The following PPP2R5E variants were observed in gnomAD, a reference collection of about 807,000 sequenced individuals.
The protein encoded by PPP2R5E is protein phosphatase 2 regulatory subunit B'epsilon.
In PPP2R5E, 4 loss-of-function variants were observed where a neutral mutation model predicts 65.3. The ratio of observed to expected loss-of-function variants is 0.06; its 90% CI spans 0.03 to 0.14. The LOEUF is 0.14. PPP2R5E is among the 10% of genes least tolerant of loss of function. The pLI, the probability that PPP2R5E is intolerant of heterozygous loss-of-function variation, is 1.00. For synonymous variants in PPP2R5E, 183 were observed against 187.4 expected (o/e 0.98, Z 0.19); for missense variants, 274 against 556.1 (o/e 0.49, Z 5.10).
chr14:63,381,387 T>C, intron 13 of PPP2R5E, among the ~76,000 whole-genome samples: 1 of 152,206 alleles, frequency 6.6e-6, no homozygotes. Context: ...TCTGCCCAAT[T>C]ATACTTCAAG....
chr14:63,537,782 T>G lies in PPP2R5E; in HGVS notation c.157+1747A>C, dbSNP rs1255787. 0.014 allele frequency among the ~76,000 whole-genome samples: 2,141 copies of G among 152,266 alleles called. 82 individuals carry two copies. In the East Asian group the frequency reaches 0.15, roughly 10 times the overall value. ...TTCCTCCAAGCCACACTAAAGCTCA[T>G]TGTGTTGTTCATATCCCCTTTCTCC... On this transcript the variant is annotated intron_variant, in intron 2 of 13. Coordinates refer to ENST00000337537, the MANE Select transcript of PPP2R5E (RefSeq NM_006246.5).
chr14:63,436,532 A>T lies in PPP2R5E; in HGVS notation c.355-14438T>A, dbSNP rs59393950. ...GAGCTAGTTGGTGAGTAATTAAAAC[A>T]CACCTGACCTACATATAACCATAAC... On this transcript the variant is annotated intron_variant, in intron 3 of 13. Transcript: ENST00000337537. Among the ~76,000 whole-genome samples the T allele has an allele frequency of 3.3e-3, 506 of 152,376 alleles. 1 individual carries two copies. Among genetic ancestry groups the T allele is most frequent in the African/African-American group, 0.011 (475 of 41,584 alleles).
chr14:63,410,434 T>C (rs147134316), intron 5 of PPP2R5E, among the ~76,000 whole-genome samples: 82 of 152,188 alleles, frequency 5.4e-4, no homozygotes, highest in African/African-American at 1.7e-3. Flanking sequence ...TAGAAGGACC[T>C]GTCAATTCAA....
In PPP2R5E at chr14:63,371,915, T is replaced by C. The variant is rs1204001904; in HGVS notation, c.*4094A>G. On this transcript the variant is annotated 3_prime_UTR_variant, in exon 14 of 14. Transcript: ENST00000337537. ...AGCAACAGACATGTCATTCTCATTATACTTCAATCAAAAATCAGACAACAA... is the reference window on the plus strand; with the variant it reads ...AGCAACAGACATGTCATTCTCATTACACTTCAATCAAAAATCAGACAACAA... 5.9e-5 allele frequency: 9 copies of C among 152,194 alleles called. No individual in the cohort carries two copies. Among genetic ancestry groups the C allele is most frequent in the African/African-American group, 2.2e-4 (9 of 41,452 alleles). 9.4% of individuals were successfully genotyped at this position (152,194 alleles called of 1,614,324 possible).
At chr14:63,515,269 C>G (rs1892623823) in intron 2 of PPP2R5E, among the ~76,000 whole-genome samples, 1 of 152,184 alleles carries the variant, frequency 6.6e-6, no homozygotes, top group African/African-American at 2.4e-5. Context: ...AAATACCCTC[C>G]TCTGATTGAA....
Position 63,373,853 on chromosome 14 carries a change from T to C in PPP2R5E, c.*2156A>G, listed in dbSNP as rs1471565262. 1 of 152,172 alleles carries C rather than the reference T, an allele frequency of 6.6e-6. No homozygotes were observed. Among genetic ancestry groups the C allele is most frequent in the East Asian group, 1.9e-4 (1 of 5,194 alleles). The allele number at this position is 152,172 out of a possible 1,614,324, so 9.4% of individuals were successfully genotyped here. On this transcript the variant is annotated 3_prime_UTR_variant, in exon 14 of 14. Coordinates refer to ENST00000337537, the MANE Select transcript of PPP2R5E (RefSeq NM_006246.5). ...ATATAAACTAAATATAATGCAGAGT[T>C]GAAACTAAAGGGCTAAAATGACAAG... is the stretch of plus-strand genomic sequence containing the variant.
At chr14:63,418,112 C>T (rs1005775558) in intron 4 of PPP2R5E, among the ~76,000 whole-genome samples, 10 of 152,176 alleles carry the variant, frequency 6.6e-5, no homozygotes, top group African/African-American at 2.4e-4. Flanking sequence ...TGCCAAATTT[C>T]ACATGTTATT....
intron 2 of PPP2R5E, among the ~76,000 whole-genome samples, chr14:63,475,186 C>T (rs1468285391): frequency 6.6e-6 from 1 of 152,116 alleles, no homozygotes; most frequent in Non-Finnish European, 1.5e-5. Flanking sequence ...TTCCTGCCTT[C>T]GTCAACTCTT....
chr14:63,393,046 G>A (rs1169876410), intron 8 of PPP2R5E, among the ~76,000 whole-genome samples: 1 of 152,202 alleles, frequency 6.6e-6, no homozygotes, highest in African/African-American at 2.4e-5. Flanking sequence ...GTTTACTTGT[G>A]AGAGTGCTTG....
Position 63,415,127 on chromosome 14 carries a change from A to G in PPP2R5E, c.549+13T>C, listed in dbSNP as rs372327202. 12 of 1,524,632 alleles carry G rather than the reference A, an allele frequency of 7.9e-6. No individual in the cohort carries two copies. In the African/African-American group the frequency reaches 1.5e-4, roughly 19 times the overall value. 94.4% of individuals were successfully genotyped at this position (1,524,632 alleles called of 1,614,324 possible). A position where few individuals can be genotyped will look rare whatever the true frequency, so the allele number is the denominator to read the frequency against. ...TGGATGACAAATACACACAACCACA[A>G]TAATTTGCTTACCTGTAATACAAAT... On this transcript the variant is annotated intron_variant, in intron 5 of 13. Coordinates refer to ENST00000337537, the MANE Select transcript of PPP2R5E (RefSeq NM_006246.5).
At chr14:63,486,559 TTACCAA>T (rs1253283295) in intron 2 of PPP2R5E, among the ~76,000 whole-genome samples, 1 of 151,906 alleles carries the variant, frequency 6.6e-6, no homozygotes, top group Non-Finnish European at 1.5e-5. Context: ...TCACAAGTGT[TTACCAA>T]TACCATCATT....
At chr14:63,391,742 C>T (rs1885036408) in intron 10 of PPP2R5E, 75 bp downstream of exon 10, 1 of 1,494,216 alleles carries the variant, frequency 6.7e-7, no homozygotes, top group Non-Finnish European at 9.3e-7. Context: ...CGGTTTTATA[C>T]ATGCTTAGCC....
At chr14:63,481,495 C>CAAAAA (rs59764365) in intron 2 of PPP2R5E, among the ~76,000 whole-genome samples, 4 of 93,090 alleles carry the variant, frequency 4.3e-5, no homozygotes, top group Admixed American at 1.2e-4. Flanking sequence ...GACTCCATCT[C>CAAAAA]AAAAAAAAAA....
intron 2 of PPP2R5E, among the ~76,000 whole-genome samples, chr14:63,533,101 C>T (rs949951143): frequency 6.6e-6 from 1 of 152,120 alleles, no homozygotes; most frequent in Non-Finnish European, 1.5e-5. Context: ...TGCCAAAGTG[C>T]TGGGATTAAA....
Position 63,373,028 on chromosome 14 carries a change from T to C in PPP2R5E, c.*2981A>G, listed in dbSNP as rs1250046826. On this transcript the variant is annotated 3_prime_UTR_variant, in exon 14 of 14. Coordinates refer to ENST00000337537, the MANE Select transcript of PPP2R5E (RefSeq NM_006246.5). ...AACACTGAAGGAAAACAACTGGGGA[T>C]ACTTCACAATGAGAAACAGGAATGC... 6.6e-6 allele frequency: 1 copy of C among 152,154 alleles called. No individual in the cohort carries two copies. Among genetic ancestry groups the C allele is most frequent in the Admixed American group, 6.5e-5 (1 of 15,268 alleles). 9.4% of individuals were successfully genotyped at this position (152,154 alleles called of 1,614,324 possible).
intron 5 of PPP2R5E, among the ~76,000 whole-genome samples, chr14:63,413,875 G>T (rs1257097223): frequency 6.6e-6 from 1 of 152,112 alleles, no homozygotes; most frequent in Non-Finnish European, 1.5e-5. Flanking sequence ...CACCAGTGTG[G>T]TACCAAAGTA....
intron 2 of PPP2R5E, among the ~76,000 whole-genome samples, chr14:63,521,484 T>C (rs1252019109): frequency 1.3e-5 from 2 of 152,152 alleles, no homozygotes; most frequent in African/African-American, 4.8e-5. Context: ...CTGACCAACA[T>C]GGAGAAATCC....
At chr14:63,486,304 A>ACACACACC (rs1890994351) in intron 2 of PPP2R5E, among the ~76,000 whole-genome samples, 1 of 143,852 alleles carries the variant, frequency 7.0e-6, no homozygotes, top group Non-Finnish European at 1.5e-5. Context: ...ACACACACAC[A>ACACACACC]CACACACACA....
intron 2 of PPP2R5E, among the ~76,000 whole-genome samples, chr14:63,476,568 A>G (rs1396814813): frequency 6.6e-6 from 1 of 152,184 alleles, no homozygotes; most frequent in African/African-American, 2.4e-5. Flanking sequence ...CAAATATCAC[A>G]TACCATACTC....
Sources: allele counts gnomAD v4.1 joint callset (sites outside exome capture counted in the v4.1 genomes callset), GRCh38; gene constraint gnomAD v4.1.1; transcripts MANE v1.5; gene names NCBI Gene and HGNC (gene_info 2026-07-23, HGNC 2026-07-21).